EPHA6: variants seen among roughly 807,000 people sequenced by gnomAD.
EPHA6 encodes EPH receptor A6.
Under a neutral mutation model 112.0 loss-of-function variants are expected in EPHA6, and 50 were observed. That is an observed-to-expected ratio of 0.45 (90% CI 0.36 to 0.56). The LOEUF is 0.56. Among genes scored for constraint, EPHA6 ranks in the 20% least tolerant of loss-of-function variants. The pLI is 0.00. For missense variants in EPHA6, 1,280 were observed against 1,417.4 expected, an observed-to-expected ratio of 0.90 and a Z score of 1.56; for synonymous variants, 529 against 490.7, an observed-to-expected ratio of 1.08 and a Z score of -1.03.
Position 97,320,777 on chromosome 3 carries a change from G to A in EPHA6, c.1606+76490G>A, listed in dbSNP as rs959635080. 1.5e-4 allele frequency among the ~76,000 whole-genome samples: 22 copies of A among 145,782 alleles called. 1 individual carries two copies. The highest frequency in any genetic ancestry group is 5.6e-4 in the African/African-American group (21 of 37,184). On this transcript the variant is annotated intron_variant, in intron 5 of 17. Transcript: ENST00000389672. ...AGAAACCTGTTTCTGACCTTGATGG[G>A]GCAGCTTATTTACTACATCGTTCTG...
At chr3:97,307,741 C>CA (rs71849708) in intron 5 of EPHA6, among the ~76,000 whole-genome samples, 2,715 of 148,394 alleles carry the variant, frequency 0.018, 77 homozygotes, top group African/African-American at 0.056. Flanking sequence ...GTGTTTCAGA[C>CA]AAAAAAAAAT....
At chr3:96,898,661 T>C (rs1470301789) in intron 2 of EPHA6, among the ~76,000 whole-genome samples, 1 of 152,138 alleles carries the variant, frequency 6.6e-6, no homozygotes, top group Admixed American at 6.6e-5. Flanking sequence ...AATTCTTATA[T>C]ATCATATATA....
intron 10 of EPHA6, among the ~76,000 whole-genome samples, chr3:97,494,267 C>T (rs77256102): frequency 6.6e-6 from 1 of 152,052 alleles, no homozygotes; most frequent in Admixed American, 6.5e-5. Context: ...GGGTTTCTTC[C>T]CCAAAAGTTA....
chr3:96,854,283 GATT>G (rs2107388567), intron 1 of EPHA6, among the ~76,000 whole-genome samples: 1 of 150,158 alleles, frequency 6.7e-6, no homozygotes, highest in African/African-American at 2.4e-5. Flanking sequence ...GGATTCAAGT[GATT>G]ATCCTGCCTC....
chr3:97,555,345 T>C (rs1469401781), intron 11 of EPHA6, among the ~76,000 whole-genome samples: 6 of 152,172 alleles, frequency 3.9e-5, no homozygotes, highest in Admixed American at 6.5e-5. Flanking sequence ...GACATTTGGG[T>C]TGGTTCTAAG....
At chr3:96,951,643 A>G (rs964738895) in intron 2 of EPHA6, among the ~76,000 whole-genome samples, 2 of 152,144 alleles carry the variant, frequency 1.3e-5, no homozygotes, top group Non-Finnish European at 2.9e-5. Flanking sequence ...TATGTCCTTT[A>G]TGGTCCAATA....
intron 2 of EPHA6, among the ~76,000 whole-genome samples, chr3:96,926,368 A>G (rs967970771): frequency 1.3e-5 from 2 of 152,198 alleles, no homozygotes; most frequent in African/African-American, 2.4e-5. Flanking sequence ...ACACAGAACC[A>G]GATCATATCA....
chr3:96,890,744 GT>G (rs2107539016), intron 2 of EPHA6, among the ~76,000 whole-genome samples: 2 of 152,304 alleles, frequency 1.3e-5, no homozygotes, highest in South Asian at 4.1e-4. Flanking sequence ...GTGAAAATTG[GT>G]ATAACTACTT....
chr3:97,632,693 T>C (rs1218984298), intron 13 of EPHA6, among the ~76,000 whole-genome samples: 1 of 151,850 alleles, frequency 6.6e-6, no homozygotes, highest in Non-Finnish European at 1.5e-5. Context: ...CAAAACACAT[T>C]AGATATAAAA....
At position 97,475,394 on chromosome 3, in the gene EPHA6, C is replaced by G. The variant is rs1339664928; in HGVS notation, c.1937C>G (p.Ala646Gly). Residue 646 changes from alanine to glycine, a missense_variant, in exon 8 of 18, where the codon GCC becomes GGC. By Grantham distance (60) the Ala-to-Gly change is moderately conservative (BLOSUM62 0). This residue lies in a region of EPHA6 where 878 missense variants were observed against 999.7 expected (regional missense o/e 0.88). Coordinates refer to ENST00000389672, the MANE Select transcript of EPHA6 (RefSeq NM_001080448.3). ...GAACAAGGACAGATTCTCGTGATAGCCACCGCCGCTGTTGGCGGATTCACT... is the reference window on the plus strand; with the variant it reads ...GAACAAGGACAGATTCTCGTGATAGGCACCGCCGCTGTTGGCGGATTCACT... ...AAEQGQILVI[A>G]TAAVGGFTLL... 1 of 1,612,064 alleles carries G rather than the reference C, an allele frequency of 6.2e-7. No homozygotes were observed. The highest frequency in any genetic ancestry group is 1.7e-5 in the Admixed American group (1 of 59,718).
chr3:97,535,313 A>T (rs888458795), intron 11 of EPHA6, among the ~76,000 whole-genome samples: 1 of 152,110 alleles, frequency 6.6e-6, no homozygotes, highest in African/African-American at 2.4e-5. Flanking sequence ...CACTTCTTAA[A>T]AAAAAGAAAT....
Position 97,660,838 on chromosome 3 carries a change from CA to C in EPHA6, c.2784+22764del, listed in dbSNP as rs796561617. ...ATTAACCATAGGCCTACTCAACATA[CA>C]AAAAAAATGACATCCTAATATTAAA... is the stretch of plus-strand genomic sequence containing the variant. On this transcript the variant is annotated intron_variant, in intron 14 of 17. Coordinates refer to ENST00000389672, the MANE Select transcript of EPHA6 (RefSeq NM_001080448.3). Among the ~76,000 whole-genome samples, 32 of 151,722 alleles carry C rather than the reference CA, an allele frequency of 2.1e-4. No homozygotes were observed. The South Asian group carries it at 2.7e-3, about 13-fold the overall frequency.
At chr3:97,368,057 G>A (rs2084839791) in intron 5 of EPHA6, among the ~76,000 whole-genome samples, 1 of 152,030 alleles carries the variant, frequency 6.6e-6, no homozygotes, top group African/African-American at 2.4e-5. Flanking sequence ...AAATTTACAT[G>A]TTCTTTATTT....
chr3:97,517,266 G>C (rs2092462078), intron 10 of EPHA6, among the ~76,000 whole-genome samples: 1 of 152,048 alleles, frequency 6.6e-6, no homozygotes, highest in South Asian at 2.1e-4. Context: ...ATTGAAGCAG[G>C]AGAAAATACA....
intron 3 of EPHA6, among the ~76,000 whole-genome samples, chr3:97,105,405 T>C (rs1406535961): frequency 6.6e-6 from 1 of 152,198 alleles, no homozygotes; most frequent in African/African-American, 2.4e-5. Context: ...AATTTCATTA[T>C]TTATCCAAAT....
chr3:96,846,333 A>G (rs2035070815), intron 1 of EPHA6, among the ~76,000 whole-genome samples: 1 of 152,074 alleles, frequency 6.6e-6, no homozygotes. Flanking sequence ...ATAGATAAAT[A>G]AGATAAAATG....
intron 10 of EPHA6, among the ~76,000 whole-genome samples, chr3:97,499,496 G>T (rs2092064539): frequency 6.6e-6 from 1 of 152,106 alleles, no homozygotes; most frequent in Non-Finnish European, 1.5e-5. Flanking sequence ...TATGCTCTGA[G>T]AAATGCATTA....
At chr3:97,526,490 G>A (rs1038468627) in intron 10 of EPHA6, among the ~76,000 whole-genome samples, 14 of 147,714 alleles carry the variant, frequency 9.5e-5, no homozygotes, top group Admixed American at 7.4e-4. Context: ...CAGTGGGGGG[G>A]TGAGAACCCC....
At chr3:97,190,641 A>G (rs542002718) in intron 3 of EPHA6, among the ~76,000 whole-genome samples, 10 of 152,132 alleles carry the variant, frequency 6.6e-5, no homozygotes, top group South Asian at 6.2e-4. Context: ...ATGATATGCA[A>G]TGTTTTGATA....
Sources: gnomAD v4.1 joint callset for allele counts (sites outside exome capture counted in the v4.1 genomes callset) on GRCh38, gnomAD v4.1.1 for gene constraint, gnomAD v4.1.1 regional missense constraint, MANE v1.5 for transcripts, NCBI Gene and HGNC (gene_info 2026-07-23, HGNC 2026-07-21) for gene names.